ZNF638: variants seen among roughly 807,000 people sequenced by gnomAD.
ZNF638 encodes the protein CTCL tumor antigen se33-1.
ZNF638 carries 46 observed loss-of-function variants against 195.6 expected under a neutral mutation model. The observed-to-expected ratio is 0.24, with a 90% confidence interval of 0.19 to 0.30. The LOEUF (loss-of-function observed/expected upper bound fraction) is 0.30, where lower values mean the gene tolerates loss of function less well. Ranked by LOEUF, ZNF638 falls within the 10% of genes least tolerant of loss-of-function variation. The pLI is 1.00. For missense variants in ZNF638, 2,440 were observed against 2,325.3 expected (o/e 1.05, Z -1.01); for synonymous variants, 845 against 772.0 (o/e 1.09, Z -1.57).
intron 20 of ZNF638, chr2:71,408,608 G>T: frequency 7.0e-6 from 2 of 285,964 alleles, no homozygotes; most frequent in Non-Finnish European, 1.4e-5. Context: ...TCTTCTTTTT[G>T]TTTCAGTTAC....
intron 27 of ZNF638, 89 bp downstream of exon 27, chr2:71,433,372 G>T: frequency 2.2e-6 from 2 of 906,938 alleles, no homozygotes; most frequent in South Asian, 1.5e-5. Flanking sequence ...ATTTCCCCCC[G>T]CTTTAGGAGA....
chr2:71,345,552 T>C (rs1053660892), intron 1 of ZNF638, among the ~76,000 whole-genome samples: 3 of 152,056 alleles, frequency 2.0e-5, no homozygotes, highest in African/African-American at 7.2e-5. Context: ...ATGCTTGGTT[T>C]TTTCATTTTT....
intron 1 of ZNF638, among the ~76,000 whole-genome samples, chr2:71,345,753 G>A (rs2104148257): frequency 6.6e-6 from 1 of 152,236 alleles, no homozygotes. Flanking sequence ...CAGTCGGCCT[G>A]CCTTGGCCTC....
chr2:71,381,040 A>G (rs746334794), intron 10 of ZNF638: 1 of 152,280 alleles, frequency 6.6e-6, no homozygotes, highest in Non-Finnish European at 1.5e-5. Context: ...ACTCAGGAAA[A>G]TACTTGAAGC....
In ZNF638 at chr2:71,423,087, C is replaced by G. The variant is rs2080466206; in HGVS notation, c.3573C>G (p.Phe1191Leu). ...VASASVSIEQ[F>L]TENAEECALN... ...CCGCTTCAGTCAGTATTGAACAATTCACTGAAAATGCCGAGGAGTGTGCTT... is the reference window on the plus strand; with the variant it reads ...CCGCTTCAGTCAGTATTGAACAATTGACTGAAAATGCCGAGGAGTGTGCTT... Residue 1191 changes from phenylalanine to leucine, a missense_variant, in exon 22 of 28, where the codon TTC becomes TTG. Phe to Leu is a conservative substitution (Grantham distance 22). This residue lies in a region of ZNF638 where 1,883 missense variants were observed against 1,739.1 expected (regional missense o/e 1.08). Transcript: ENST00000264447. 6.2e-7 allele frequency: 1 copy of G among 1,614,104 alleles called. No homozygotes were observed. The highest frequency in any genetic ancestry group is 8.5e-7 in the Non-Finnish European group (1 of 1,179,992).
At chr2:71,392,079 G>T (rs1375279284) in intron 10 of ZNF638, among the ~76,000 whole-genome samples, 1 of 152,208 alleles carries the variant, frequency 6.6e-6, no homozygotes, top group Non-Finnish European at 1.5e-5. Flanking sequence ...GATGCAATCT[G>T]TGGCTGGGTT....
Position 71,423,192 on chromosome 2 carries a change from T to C in ZNF638, c.3678T>C (p.Ser1226=), listed in dbSNP as rs768400908. ...IINPKTALLP[S]DSVFAEERNL... is the part of the protein sequence containing the mutation. ...ACCCTAAAACAGCATTGTTACCATC[T>C]GACAGTGTGTTTGCAGAAGAAAGGA... The change falls in exon 22 of 28, where the codon TCT becomes TCC. Residue 1226 remains serine, a synonymous_variant. Coordinates refer to ENST00000264447, the MANE Select transcript of ZNF638 (RefSeq NM_014497.5). The C allele has an allele frequency of 6.2e-7, 1 of 1,614,166 alleles. No individual in the cohort carries two copies. The highest frequency in any genetic ancestry group is 2.2e-5 in the East Asian group (1 of 44,878).
At chr2:71,352,443 A>T (rs2078956418) in intron 2 of ZNF638, among the ~76,000 whole-genome samples, 1 of 150,638 alleles carries the variant, frequency 6.6e-6, no homozygotes, top group Non-Finnish European at 1.5e-5. Flanking sequence ...GCGCCGCTGC[A>T]CTCCAGCCTG....
chr2:71,422,489 A>C (rs1371007131), intron 21 of ZNF638, among the ~76,000 whole-genome samples: 1 of 152,216 alleles, frequency 6.6e-6, no homozygotes, highest in Non-Finnish European at 1.5e-5. Context: ...GGACCTGATA[A>C]TATTTGAAGT....
At chr2:71,404,771 T>C (rs1262832956) in intron 17 of ZNF638, among the ~76,000 whole-genome samples, 2 of 152,162 alleles carry the variant, frequency 1.3e-5, no homozygotes, top group Non-Finnish European at 2.9e-5. Flanking sequence ...TAATTGTCTT[T>C]TGTACATACA....
At chr2:71,405,189 G>A (rs905239611) in intron 17 of ZNF638, among the ~76,000 whole-genome samples, 2 of 152,138 alleles carry the variant, frequency 1.3e-5, no homozygotes. Context: ...TAATTCAGTA[G>A]CATCAAATCT....
rs572588191 is a variant in ZNF638 at position 71,434,885 on chromosome 2, G to C, written c.*78G>C. On this transcript the variant is annotated 3_prime_UTR_variant, in exon 28 of 28. Coordinates refer to ENST00000264447, the MANE Select transcript of ZNF638 (RefSeq NM_014497.5). Reference sequence around the variant, plus strand: ...GTGTATTTTTGTTATCATTTAATTTGTAATTTTCGTTTCAGAAGCAAATAT... The same window carrying C: ...GTGTATTTTTGTTATCATTTAATTTCTAATTTTCGTTTCAGAAGCAAATAT... The C allele has an allele frequency of 3.5e-5, 46 of 1,328,602 alleles. No individual in the cohort carries two copies. The Admixed American group carries it at 3.6e-4, about 10-fold the overall frequency. 82.3% of individuals were successfully genotyped at this position (1,328,602 alleles called of 1,614,324 possible). A position where few individuals can be genotyped will look rare whatever the true frequency, so the allele number is the denominator to read the frequency against.
intron 1 of ZNF638, among the ~76,000 whole-genome samples, chr2:71,346,874 A>G (rs569561982): frequency 1.5e-3 from 226 of 152,106 alleles, no homozygotes; most frequent in Non-Finnish European, 2.9e-3. Flanking sequence ...ACAAAAAATT[A>G]GCCAGGTAGC....
chr2:71,395,427 GT>G (rs2104412567), intron 10 of ZNF638: 1 of 641,962 alleles, frequency 1.6e-6, no homozygotes, highest in East Asian at 2.7e-5. Context: ...AGTCCAGGAG[GT>G]TTTGCAAAGC....
intron 1 of ZNF638, among the ~76,000 whole-genome samples, chr2:71,346,469 T>A (rs1467810417): frequency 1.3e-5 from 2 of 152,208 alleles, no homozygotes; most frequent in Non-Finnish European, 2.9e-5. Flanking sequence ...ATCAAAAGCC[T>A]GTGTATTTGA....
chr2:71,363,955 A>C lies in ZNF638; in HGVS notation c.1420A>C (p.Asn474His), dbSNP rs1230172822. 1.2e-6 allele frequency: 2 copies of C among 1,606,516 alleles called. No individual in the cohort carries two copies. Among genetic ancestry groups the C allele is most frequent in the Middle Eastern group, 1.7e-4 (1 of 6,022 alleles). ...WNPEILPSRR[N>H]EGNRKENETP... ...TCTTTTCCGCCCCCCTGCTTGTAGA[A>C]ATGAGGGCAATAGAAAAGAAAATGA... Residue 474 changes from asparagine (N) to histidine (H), a missense_variant and splice_region_variant, in exon 5 of 28, where the codon AAT becomes CAT. This residue lies in a region of ZNF638 where 1,883 missense variants were observed against 1,739.1 expected (regional missense o/e 1.08). Transcript: ENST00000264447.
At chr2:71,359,436 C>T (rs1400603338) in intron 3 of ZNF638, among the ~76,000 whole-genome samples, 1 of 152,152 alleles carries the variant, frequency 6.6e-6, no homozygotes, top group African/African-American at 2.4e-5. Flanking sequence ...GGAATTCCAC[C>T]TTCTTCCATC....
chr2:71,384,827 T>A (rs1480008890), intron 10 of ZNF638, among the ~76,000 whole-genome samples: 1 of 152,260 alleles, frequency 6.6e-6, no homozygotes, highest in Non-Finnish European at 1.5e-5. Flanking sequence ...GTGAAAATTT[T>A]AAAATATTTC....
At chr2:71,405,908 T>C (rs981628435) in intron 18 of ZNF638, among the ~76,000 whole-genome samples, 5 of 152,180 alleles carry the variant, frequency 3.3e-5, no homozygotes, top group African/African-American at 1.2e-4. Context: ...GTAAACGTTA[T>C]GTTGATAGTA....
Sources: allele counts gnomAD v4.1 joint callset (sites outside exome capture counted in the v4.1 genomes callset), GRCh38; gene constraint gnomAD v4.1.1; regional missense constraint gnomAD v4.1.1; transcripts MANE v1.5; gene names NCBI Gene and HGNC (gene_info 2026-07-23, HGNC 2026-07-21).